The following TENM3 variants were observed in gnomAD, a reference collection of about 807,000 sequenced individuals.
TENM3 encodes the protein teneurin-3.
TENM3 carries 63 observed loss-of-function variants against 255.1 expected under a neutral mutation model. The observed-to-expected ratio is 0.25, with a 90% CI of 0.20 to 0.30. The LOEUF (loss-of-function observed/expected upper bound fraction) is 0.30, where lower values mean the gene tolerates loss of function less well. TENM3 is among the 10% of genes least tolerant of loss of function. TENM3 has a pLI of 1.00. For synonymous variants in TENM3, 1,306 were observed against 1,322.3 expected, an observed-to-expected ratio of 0.99 and a Z score of 0.27; for missense variants, 2,929 against 3,461.1, an observed-to-expected ratio of 0.85 and a Z score of 3.86.
At chr4:181,668,541 G>A in the TENM3 span, among the ~76,000 whole-genome samples, 3 of 152,028 alleles carry the variant, frequency 2.0e-5, no homozygotes, top group African/African-American at 7.3e-5. Flanking sequence ...TTTGCTTGTG[G>A]CAGCACAACT....
At chr4:181,644,750 G>T in the TENM3 span, among the ~76,000 whole-genome samples, 2 of 152,098 alleles carry the variant, frequency 1.3e-5, no homozygotes, top group African/African-American at 4.8e-5. Context: ...ACCCATAAAG[G>T]TGAGTTCAGG....
intron 1 of TENM3, chr4:182,145,197 C>A: frequency 6.6e-6 from 1 of 152,298 alleles, no homozygotes. Flanking sequence ...GCGGAAAGCC[C>A]CGGGATGTCA....
At chr4:181,548,493 T>C in the TENM3 span, among the ~76,000 whole-genome samples, 1 of 152,318 alleles carries the variant, frequency 6.6e-6, no homozygotes, top group South Asian at 2.1e-4. Context: ...AAAAAAATGA[T>C]ATCCCAACTT....
the TENM3 span, among the ~76,000 whole-genome samples, chr4:181,961,178 C>T: frequency 2.0e-5 from 3 of 151,930 alleles, no homozygotes; most frequent in South Asian, 2.1e-4. Flanking sequence ...TGCTTGCTGT[C>T]AACTTGTGTC....
chr4:182,778,946 CT>C (rs201688335), intron 24 of TENM3, among the ~76,000 whole-genome samples: 1,746 of 115,816 alleles, frequency 0.015, 13 homozygotes, highest in South Asian at 0.032. Context: ...ATATTTTTTT[CT>C]TTTTTTTTTT....
chr4:181,731,095 A>T, the TENM3 span, among the ~76,000 whole-genome samples: 2 of 152,220 alleles, frequency 1.3e-5, no homozygotes, highest in Admixed American at 6.5e-5. Flanking sequence ...CACAACTTAC[A>T]GCTTGTTAAT....
chr4:181,983,708 T>G, the TENM3 span, among the ~76,000 whole-genome samples: 1 of 152,246 alleles, frequency 6.6e-6, no homozygotes, highest in South Asian at 2.1e-4. Context: ...CTACTTCCAT[T>G]TATTAGAATA....
chr4:181,980,271 A>G, the TENM3 span: 3 of 152,176 alleles, frequency 2.0e-5, no homozygotes, highest in Admixed American at 1.3e-4. Flanking sequence ...TTCTGAGTGC[A>G]AAGGTTATCT....
intron 4 of TENM3, among the ~76,000 whole-genome samples, chr4:182,615,982 C>CA (rs766788142): frequency 4.6e-5 from 7 of 152,190 alleles, no homozygotes; most frequent in Non-Finnish European, 8.8e-5. Context: ...CAGTGATTCT[C>CA]AGAGTGTGGT....
the TENM3 span, among the ~76,000 whole-genome samples, chr4:181,572,699 A>G: frequency 6.6e-6 from 1 of 152,254 alleles, no homozygotes; most frequent in Non-Finnish European, 1.5e-5. Flanking sequence ...TAAATGAAGC[A>G]TCCATCAGCT....
intron 1 of TENM3, among the ~76,000 whole-genome samples, chr4:182,197,789 T>C (rs987421313): frequency 2.0e-5 from 3 of 152,228 alleles, no homozygotes; most frequent in African/African-American, 7.2e-5. Flanking sequence ...GTCAACCCTG[T>C]TCTCCCACTC....
chr4:182,458,618 A>T (rs564759295), intron 3 of TENM3, among the ~76,000 whole-genome samples: 38 of 151,610 alleles, frequency 2.5e-4, no homozygotes, highest in African/African-American at 9.0e-4. Flanking sequence ...CAGAATTCTT[A>T]AAAAAAAATC....
chr4:182,404,295 A>G (rs187795221), intron 3 of TENM3, among the ~76,000 whole-genome samples: 2 of 152,346 alleles, frequency 1.3e-5, no homozygotes, highest in East Asian at 3.9e-4. Context: ...GGTTAACAGA[A>G]AGTATTCAAT....
the TENM3 span, among the ~76,000 whole-genome samples, chr4:181,672,075 C>T: frequency 2.9e-4 from 44 of 152,222 alleles, no homozygotes; most frequent in South Asian, 8.1e-3. Context: ...TCAATAACCA[C>T]GTTTGCACCT....
In TENM3 at chr4:182,793,355, G is replaced by A. The variant is rs201200379; in HGVS notation, c.6683G>A (p.Arg2228His). ...SKGSGWTVIYRYDGLGRRVSS... is the reference protein window; with the variant it reads ...SKGSGWTVIYHYDGLGRRVSS... Reference sequence around the variant, plus strand: ...GGCAGTGGCTGGACAGTGATCTACCGTTATGACGGCCTGGGAAGGCGTGTT... The same window carrying A: ...GGCAGTGGCTGGACAGTGATCTACCATTATGACGGCCTGGGAAGGCGTGTT... The change falls in exon 26 of 28, where the codon CGT becomes CAT. Residue 2228 changes from arginine (R) to histidine (H), a missense_variant. By Grantham distance (29) the Arg-to-His change is conservative. Around this residue, in one of 6 missense-constraint regions of TENM3, gnomAD observed 256 missense variants for 389.3 expected, o/e 0.66. Transcript: ENST00000511685. This position sits in a 1 kb window ranked among gnomAD's most constrained non-coding sequence, Gnocchi z 5.7. 7.3e-5 allele frequency: 117 copies of A among 1,613,766 alleles called. No homozygotes were observed. Among genetic ancestry groups the A allele is most frequent in the Middle Eastern group, 3.3e-4 (2 of 6,060 alleles).
intron 22 of TENM3, among the ~76,000 whole-genome samples, chr4:182,764,689 G>A (rs1763527942): frequency 6.6e-6 from 1 of 152,210 alleles, no homozygotes; most frequent in Non-Finnish European, 1.5e-5. Context: ...CATCGAATGT[G>A]TGTGGGGAGG....
intron 1 of TENM3, among the ~76,000 whole-genome samples, chr4:182,175,278 C>T (rs1203638533): frequency 3.5e-5 from 5 of 142,076 alleles, no homozygotes; most frequent in Admixed American, 7.3e-5. Context: ...ACCTTTGTTA[C>T]CTCAGGCCTC....
chr4:182,535,994 G>A (rs1005411151), intron 3 of TENM3, among the ~76,000 whole-genome samples: 1 of 151,622 alleles, frequency 6.6e-6, no homozygotes, highest in African/African-American at 2.4e-5. Context: ...TTTTAATATT[G>A]TATATGTATT....
chr4:182,199,467 A>T (rs796304936), intron 1 of TENM3, among the ~76,000 whole-genome samples: 2 of 152,176 alleles, frequency 1.3e-5, no homozygotes, highest in South Asian at 4.1e-4. Context: ...CCATTTCATT[A>T]TTCAGTATCT....
Sources: gnomAD v4.1 joint callset for allele counts (sites outside exome capture counted in the v4.1 genomes callset) on GRCh38, gnomAD v4.1.1 for gene constraint, gnomAD v4.1.1 regional missense constraint, Gnocchi (gnomAD v3.1) non-coding constraint, MANE v1.5 for transcripts, NCBI Gene and HGNC (gene_info 2026-07-23, HGNC 2026-07-21) for gene names.